The following HPS4 variants were observed in gnomAD, a reference collection of about 807,000 sequenced individuals.
The protein encoded by HPS4 is BLOC-3 complex member HPS4.
A neutral mutation model predicts 70.3 loss-of-function variants in HPS4; 44 were observed. The observed-to-expected ratio is 0.63, with a 90% CI of 0.49 to 0.80. The LOEUF (loss-of-function observed/expected upper bound fraction) is 0.80. Among genes scored for constraint, HPS4 ranks in the 30% least tolerant of loss-of-function variants. HPS4 has a pLI of 0.00. For missense variants in HPS4, 873 were observed against 884.4 expected (o/e 0.99, Z 0.16); for synonymous variants, 377 against 355.9 (o/e 1.06, Z -0.67).
At chr22:26,477,801 C>T (rs2090757736) in intron 3 of HPS4, among the ~76,000 whole-genome samples, 1 of 152,168 alleles carries the variant, frequency 6.6e-6, no homozygotes, top group African/African-American at 2.4e-5. Flanking sequence ...AGGAACAAAT[C>T]AGCCAAATCT....
Position 26,466,668 on chromosome 22 carries a change from A to G in HPS4, c.670-406T>C. 6.9e-6 allele frequency: 2 copies of G among 287,966 alleles called. 1 individual carries two copies. The highest frequency in any genetic ancestry group is 8.0e-5 in the South Asian group (2 of 24,848). The allele number at this position is 287,966 out of a possible 1,614,324, so 17.8% of individuals were successfully genotyped here. A position where few individuals can be genotyped will look rare whatever the true frequency, so the allele number is the denominator to read the frequency against. On this transcript the variant is annotated intron_variant, in intron 8 of 13. Coordinates refer to ENST00000398145, the MANE Select transcript of HPS4 (RefSeq NM_022081.6). ...GAATTCACATAAATTCCATTATAAT[A>G]AAAATGTCAAAATACTGTGACTCTC...
intron 4 of HPS4, among the ~76,000 whole-genome samples, chr22:26,474,664 G>T (rs1277525067): frequency 1.3e-5 from 2 of 151,654 alleles, no homozygotes; most frequent in Non-Finnish European, 2.9e-5. Context: ...CAAACTGGGA[G>T]AAATTATTTT....
chr22:26,483,853 G>A (rs1360183679), upstream of HPS4: 2 of 1,321,572 alleles, frequency 1.5e-6, no homozygotes, highest in African/African-American at 1.6e-5. Flanking sequence ...CGGCGATGAC[G>A]TGCCGAGTGC....
downstream of HPS4, among the ~76,000 whole-genome samples, chr22:26,447,383 C>A (rs910151223): frequency 5.9e-5 from 9 of 152,176 alleles, no homozygotes; most frequent in Non-Finnish European, 1.2e-4. Flanking sequence ...CTGGACTTTT[C>A]TGTTACATGA....
chr22:26,472,942 G>A lies in HPS4; in HGVS notation c.277-3C>T. ...AGCTCCACAGCACAGCCCAGCACCT[G>A]TAAAGAGAGAAACCAGGAAGACAAG... On this transcript the variant is annotated splice_polypyrimidine_tract_variant and splice_region_variant and intron_variant, in intron 4 of 13. Coordinates refer to ENST00000398145, the MANE Select transcript of HPS4 (RefSeq NM_022081.6). 6.2e-7 allele frequency: 1 copy of A among 1,613,536 alleles called. No homozygotes were observed.
Position 26,458,556 on chromosome 22 carries a change from G to T in HPS4, c.1735C>A (p.Leu579Met), listed in dbSNP as rs1045376952. Residue 579 changes from leucine (L) to methionine (M), a missense_variant, in exon 12 of 14, where the codon CTG becomes ATG. Leu to Met is a conservative substitution (Grantham distance 15). Transcript: ENST00000398145. The part of the protein sequence containing the change: ...EEVYHSSLAS[L>M]NGLEVHLKET... Reference sequence around the variant, plus strand: ...TTCAGGTGGACTTCCAGCCCATTCAGTGAAGCCAGGCTGCTGTGGTACTGC... The same window carrying T: ...TTCAGGTGGACTTCCAGCCCATTCATTGAAGCCAGGCTGCTGTGGTACTGC... 6.2e-7 allele frequency: 1 copy of T among 1,614,154 alleles called. No individual in the cohort carries two copies. Among genetic ancestry groups the T allele is most frequent in the Admixed American group, 1.7e-5 (1 of 60,024 alleles).
At chr22:26,470,839 C>T (rs1249566699) in intron 6 of HPS4, 26 bp from the exon 7 acceptor site, 1 of 1,613,764 alleles carries the variant, frequency 6.2e-7, no homozygotes, top group South Asian at 1.1e-5. Context: ...GGCATCATGC[C>T]CACCCATCAG....
At position 26,464,337 on chromosome 22, in the gene HPS4, AG is replaced by A. The variant is rs1206736658; in HGVS notation, c.1292del (p.Pro431LeufsTer4). 6.2e-7 allele frequency: 1 copy of A among 1,613,972 alleles called. No individual in the cohort carries two copies. The highest frequency in any genetic ancestry group is 8.5e-7 in the Non-Finnish European group (1 of 1,179,992). ...GGGCTCCATGCTGGGTCAGCATCTC[AG>A]GAGCAGAGGGAGGGCGCAAGCTGCT... ...AISSLRPPSA[P>X]EMLTQHGAQE... On this transcript the variant is annotated frameshift_variant, in exon 11 of 14. Coordinates refer to ENST00000398145, the MANE Select transcript of HPS4 (RefSeq NM_022081.6). LOFTEE classifies it high-confidence loss of function.
rs951352992 is a variant in HPS4, at chr22:26,464,372, T to C, written c.1258A>G (p.Thr420Ala). Residue 420 changes from threonine to alanine, a missense_variant, in exon 11 of 14, where the codon ACA (threonine) becomes GCA (alanine). Coordinates refer to ENST00000398145, the MANE Select transcript of HPS4 (RefSeq NM_022081.6). ...SSLEPTPPED[T>A]AISSLRPPSA... ...GGAGGGCGCAAGCTGCTGATGGCTG[T>C]GTCCTCAGGAGGCGTGGGTTCCAGG... 4.3e-6 allele frequency: 7 copies of C among 1,614,068 alleles called. No individual in the cohort carries two copies. Among genetic ancestry groups the C allele is most frequent in the Non-Finnish European group, 5.9e-6 (7 of 1,180,046 alleles).
downstream of HPS4, chr22:26,443,221 C>T (rs140180423): frequency 1.1e-5 from 18 of 1,610,438 alleles, no homozygotes; most frequent in Middle Eastern, 1.7e-4. Flanking sequence ...ATTTCCCATG[C>T]TGGAGTCGGC....
intron 7 of HPS4, among the ~76,000 whole-genome samples, chr22:26,468,863 G>A (rs1475845796): frequency 6.6e-6 from 1 of 152,064 alleles, no homozygotes; most frequent in East Asian, 1.9e-4. Context: ...ATTACAGGGA[G>A]AATGGTAAAA....
rs1014910744 is a variant in HPS4, at chr22:26,452,287, C to T, written c.*946G>A. 16 of 442,668 alleles carry T rather than the reference C, an allele frequency of 3.6e-5. No individual in the cohort carries two copies. The highest frequency in any genetic ancestry group is 6.1e-5 in the African/African-American group (3 of 49,344). 27.4% of individuals were successfully genotyped at this position (442,668 alleles called of 1,614,324 possible). On this transcript the variant is annotated 3_prime_UTR_variant, in exon 14 of 14. Coordinates refer to ENST00000398145, the MANE Select transcript of HPS4 (RefSeq NM_022081.6). ...TTGACAAATATTTTCATCCTGCAGT[C>T]TGTCTCATACTGTCAAAAAAATGTC...
Position 26,468,550 on chromosome 22 carries a change from C to A in HPS4, c.669+1G>T, listed in dbSNP as rs776613510. 1.2e-6 allele frequency: 2 copies of A among 1,613,798 alleles called. No individual in the cohort carries two copies. The highest frequency in any genetic ancestry group is 1.7e-6 in the Non-Finnish European group (2 of 1,179,868). On this transcript the variant is annotated splice_donor_variant, in intron 8 of 13. Transcript: ENST00000398145. LOFTEE classifies it high-confidence loss of function. ...AGCCAGGTGGGTGGACTTTACAATA[C>A]CTGCTCCTGAGGTGCTGTTCGGTGA...
intron 13 of HPS4, chr22:26,453,781 G>C (rs1232477108): frequency 1.8e-5 from 6 of 326,886 alleles, no homozygotes; most frequent in Non-Finnish European, 3.6e-5. Flanking sequence ...CTCTGCAGTG[G>C]TGGTATGGTC....
chr22:26,458,590 A>T lies in HPS4; in HGVS notation c.1714-13T>A. The T allele has an allele frequency of 1.9e-6, 3 of 1,613,634 alleles. No individual in the cohort carries two copies. Among genetic ancestry groups the T allele is most frequent in the Non-Finnish European group, 2.5e-6 (3 of 1,179,830 alleles). ...GGCTGCTGTGGTACTGCAAAGGGGG[A>T]GAGGGTCATGGGCTTGTAGGGCTGA... On this transcript the variant is annotated splice_polypyrimidine_tract_variant and intron_variant, in intron 11 of 13. Transcript: ENST00000398145.
chr22:26,459,914 A>G (rs2086904322), intron 11 of HPS4, among the ~76,000 whole-genome samples: 1 of 152,244 alleles, frequency 6.6e-6, no homozygotes, highest in South Asian at 2.1e-4. Flanking sequence ...TTTGTGGACT[A>G]TTTTTCAACA....
chr22:26,457,682 C>T (rs1052335709), intron 13 of HPS4, among the ~76,000 whole-genome samples, 177 bp downstream of exon 13: 8 of 152,192 alleles, frequency 5.3e-5, no homozygotes, highest in Admixed American at 5.2e-4. Flanking sequence ...GTCCATGGCA[C>T]GTGACTGCAC....
At chr22:26,454,728 A>G (rs941563136) in intron 13 of HPS4, among the ~76,000 whole-genome samples, 6 of 152,240 alleles carry the variant, frequency 3.9e-5, no homozygotes, top group Non-Finnish European at 7.3e-5. Flanking sequence ...AAAATTGACA[A>G]ATGGGATCTA....
downstream of HPS4, among the ~76,000 whole-genome samples, chr22:26,449,695 C>T (rs1010191565): frequency 6.6e-6 from 1 of 152,162 alleles, no homozygotes; most frequent in Non-Finnish European, 1.5e-5. Flanking sequence ...GGCCCCAGCT[C>T]TTCTCACGCC....
Sources: allele counts gnomAD v4.1 joint callset (sites outside exome capture counted in the v4.1 genomes callset), GRCh38; gene constraint gnomAD v4.1.1; transcripts MANE v1.5; gene names NCBI Gene and HGNC (gene_info 2026-07-23, HGNC 2026-07-21).